ATP8B4: variants seen among roughly 807,000 people sequenced by gnomAD.
The protein encoded by ATP8B4 is ATPase phospholipid transporting 8B4 (putative).
In ATP8B4, 133 loss-of-function variants were observed where a neutral mutation model predicts 145.6. That is an observed-to-expected ratio of 0.91 (90% CI 0.79 to 1.05). ATP8B4 has a LOEUF of 1.05. ATP8B4 is among the 50% of genes least tolerant of loss of function. The pLI, the probability that ATP8B4 is intolerant of heterozygous loss-of-function variation, is 0.00. For missense variants in ATP8B4, 1,458 were observed against 1,425.2 expected, an observed-to-expected ratio of 1.02 and a Z score of -0.37; for synonymous variants, 507 against 492.9, an observed-to-expected ratio of 1.03 and a Z score of -0.38.
chr15:49,961,909 T>C, intron 14 of ATP8B4, 68 bp downstream of exon 14: 1 of 1,351,256 alleles, frequency 7.4e-7, no homozygotes, highest in Non-Finnish European at 1.0e-6. Context: ...ACTAAAAGTT[T>C]ATCATTTTCT....
chr15:49,866,572 G>C (rs550168046), intron 25 of ATP8B4, 88 bp from the exon 26 acceptor site: 1 of 1,506,228 alleles, frequency 6.6e-7, no homozygotes, highest in South Asian at 1.2e-5. Context: ...GAACTGCCCT[G>C]TGGCAGGAAG....
chr15:49,918,815 C>A, intron 19 of ATP8B4, 24 bp downstream of exon 19: 1 of 1,533,096 alleles, frequency 6.5e-7, no homozygotes, highest in South Asian at 1.2e-5. Context: ...TTCAAAATAT[C>A]ATCAACATCC....
chr15:50,025,750 A>G (rs1452084961), intron 6 of ATP8B4, among the ~76,000 whole-genome samples: 1 of 152,216 alleles, frequency 6.6e-6, no homozygotes, highest in Non-Finnish European at 1.5e-5. Context: ...CTGACCAGAC[A>G]CTAAGCTCTG....
At chr15:50,015,746 T>A (rs1338664368) in intron 6 of ATP8B4, among the ~76,000 whole-genome samples, 1 of 152,184 alleles carries the variant, frequency 6.6e-6, no homozygotes. Flanking sequence ...AATCCCCTAA[T>A]AACAGACTGG....
chr15:49,948,281 C>CAAAAAAAAA (rs35575312), intron 14 of ATP8B4, among the ~76,000 whole-genome samples: 2 of 112,290 alleles, frequency 1.8e-5, no homozygotes, highest in Admixed American at 9.8e-5. Context: ...ACTAAAAATA[C>CAAAAAAAAA]AAAAAAAAAA....
intron 2 of ATP8B4, among the ~76,000 whole-genome samples, chr15:50,095,443 C>T (rs1015302137): frequency 2.6e-5 from 4 of 152,090 alleles, no homozygotes; most frequent in Admixed American, 6.6e-5. Context: ...TGTTAACATA[C>T]GGTTGAATTT....
At chr15:50,126,868 C>T (rs556296483) in intron 1 of ATP8B4, among the ~76,000 whole-genome samples, 13 of 151,456 alleles carry the variant, frequency 8.6e-5, no homozygotes, top group African/African-American at 2.7e-4. Context: ...GCCCCCACAC[C>T]CCCCCGCCAC....
At chr15:50,067,076 G>C (rs1444193826) in intron 3 of ATP8B4, among the ~76,000 whole-genome samples, 1 of 151,826 alleles carries the variant, frequency 6.6e-6, no homozygotes, top group Non-Finnish European at 1.5e-5. Flanking sequence ...AACAAACTGA[G>C]TTTCCACCCC....
intron 3 of ATP8B4, among the ~76,000 whole-genome samples, chr15:50,063,241 A>T (rs2053153634): frequency 6.6e-6 from 1 of 152,104 alleles, no homozygotes; most frequent in African/African-American, 2.4e-5. Flanking sequence ...AGCAACCTAT[A>T]GGGAGGTCTC....
chr15:49,998,449 G>A (rs1393461399), intron 8 of ATP8B4, among the ~76,000 whole-genome samples: 4 of 152,178 alleles, frequency 2.6e-5, no homozygotes. Flanking sequence ...GCGTGAGACG[G>A]TATCTCATTG....
In ATP8B4 at chr15:50,047,497, G is replaced by A. The variant is rs191770263; in HGVS notation, c.88-33C>T. The A allele has an allele frequency of 4.0e-5, 51 of 1,264,728 alleles. No individual in the cohort carries two copies. The Admixed American group carries it at 7.6e-4, about 19-fold the overall frequency. 78.3% of individuals were successfully genotyped at this position (1,264,728 alleles called of 1,614,324 possible). On this transcript the variant is annotated intron_variant, in intron 3 of 27. Coordinates refer to ENST00000284509, the MANE Select transcript of ATP8B4 (RefSeq NM_024837.4). ...AGAAATAGCATCATGTTAGTTTGGG[G>A]CAAGGCATTGCTCATGATCAGAAAT...
intron 2 of ATP8B4, among the ~76,000 whole-genome samples, chr15:50,091,487 T>C (rs529921466): frequency 2.6e-5 from 4 of 152,194 alleles, no homozygotes; most frequent in African/African-American, 9.6e-5. Context: ...TGAAGAAACG[T>C]AGAGTTAGAA....
chr15:49,942,190 A>C (rs2042213992), intron 14 of ATP8B4, among the ~76,000 whole-genome samples: 1 of 152,172 alleles, frequency 6.6e-6, no homozygotes, highest in African/African-American at 2.4e-5. Context: ...ATGCTATTGA[A>C]ATAAAACTAT....
chr15:49,890,499 A>G (rs1199353058), intron 23 of ATP8B4, among the ~76,000 whole-genome samples: 1 of 152,186 alleles, frequency 6.6e-6, no homozygotes, highest in Non-Finnish European at 1.5e-5. Context: ...AAGGGGCTTT[A>G]GGGGCTAAGA....
chr15:50,041,187 T>A (rs1452041923), intron 5 of ATP8B4, among the ~76,000 whole-genome samples: 1 of 152,214 alleles, frequency 6.6e-6, no homozygotes, highest in Non-Finnish European at 1.5e-5. Context: ...TGAGTACCAT[T>A]TCCCTGAAAA....
At chr15:50,065,155 T>C (rs569732072) in intron 3 of ATP8B4, among the ~76,000 whole-genome samples, 4 of 152,248 alleles carry the variant, frequency 2.6e-5, no homozygotes, top group Non-Finnish European at 5.9e-5. Context: ...GTAAATCAGG[T>C]CGATTTAGCC....
intron 1 of ATP8B4, among the ~76,000 whole-genome samples, chr15:50,132,643 A>C (rs1275375949): frequency 6.6e-6 from 1 of 152,250 alleles, no homozygotes; most frequent in Non-Finnish European, 1.5e-5. Flanking sequence ...TCATTCTACT[A>C]TAAAGACACA....
intron 1 of ATP8B4, among the ~76,000 whole-genome samples, chr15:50,176,416 G>T (rs888794989): frequency 2.6e-5 from 4 of 152,032 alleles, no homozygotes; most frequent in African/African-American, 7.2e-5. Context: ...CTGGTGCAGT[G>T]TATACTGCTC....
intron 16 of ATP8B4, among the ~76,000 whole-genome samples, 192 bp from the exon 17 acceptor site, chr15:49,923,686 G>A (rs2040462534): frequency 6.6e-6 from 1 of 152,126 alleles, no homozygotes; most frequent in African/African-American, 2.4e-5. Flanking sequence ...CTTAAGAAAT[G>A]CTCCATCTAC....
Sources: gnomAD v4.1 joint callset for allele counts (sites outside exome capture counted in the v4.1 genomes callset) on GRCh38, gnomAD v4.1.1 for gene constraint, MANE v1.5 for transcripts, NCBI Gene and HGNC (gene_info 2026-07-23, HGNC 2026-07-21) for gene names.